BAZ2B: variants seen among roughly 807,000 people sequenced by gnomAD.
BAZ2B encodes bromodomain adjacent to zinc finger domain protein 2B.
In BAZ2B, 91 loss-of-function variants were observed where a neutral mutation model predicts 246.0. The observed-to-expected ratio is 0.37, with a 90% CI of 0.31 to 0.44. The LOEUF (loss-of-function observed/expected upper bound fraction) is 0.44, where lower values mean the gene tolerates loss of function less well. BAZ2B is among the 20% of genes least tolerant of loss of function. BAZ2B has a pLI of 1.00. For synonymous variants in BAZ2B, 855 were observed against 860.0 expected (o/e 0.99, Z 0.10); for missense variants, 2,332 against 2,533.7 (o/e 0.92, Z 1.71).
intron 23 of BAZ2B, among the ~76,000 whole-genome samples, chr2:159,384,327 C>T (rs796606911): frequency 4.8e-4 from 73 of 151,974 alleles, no homozygotes; most frequent in African/African-American, 1.7e-3. Flanking sequence ...AATTGTAAGA[C>T]GTGAATATTA....
At chr2:159,583,298 A>G (rs1341998375) in intron 1 of BAZ2B, among the ~76,000 whole-genome samples, 1 of 151,998 alleles carries the variant, frequency 6.6e-6, no homozygotes, top group Admixed American at 6.6e-5. Flanking sequence ...TATTTTTAGT[A>G]GAGACAGGGT....
Position 159,430,911 on chromosome 2 carries a change from C to A in BAZ2B, c.2146G>T (p.Ala716Ser). Residue 716 changes from alanine (A) to serine (S), a missense_variant, in exon 10 of 37, where the codon GCT becomes TCT. Ala to Ser is a moderately conservative substitution (Grantham distance 99). Transcript: ENST00000392783. ...AALCSESQSP[A>S]FLGTSSSTLT... ...GTGGAAGAAGATGTACCAAGAAAAG[C>A]AGGTGACTGGGATTCAGAACATAAG... 2.5e-6 allele frequency: 4 copies of A among 1,613,892 alleles called. No homozygotes were observed. Among genetic ancestry groups the A allele is most frequent in the Non-Finnish European group, 3.4e-6 (4 of 1,179,850 alleles).
intron 23 of BAZ2B, 23 bp downstream of exon 23, chr2:159,385,122 AAAAATCACGG>A (rs752664626): frequency 6.4e-7 from 1 of 1,563,844 alleles, no homozygotes; most frequent in East Asian, 2.3e-5. Flanking sequence ...TTCAAAATGG[AAAAATCACGG>A]AAAAGCCTGG....
At chr2:159,389,845 T>C (rs2063114863) in intron 20 of BAZ2B, among the ~76,000 whole-genome samples, 1 of 152,146 alleles carries the variant, frequency 6.6e-6, no homozygotes, top group Admixed American at 6.6e-5. Context: ...AAGTAACATG[T>C]TTGAATTTGC....
chr2:159,422,891 G>A (rs59345076), intron 13 of BAZ2B, among the ~76,000 whole-genome samples: 8,399 of 152,102 alleles, frequency 0.055, 433 homozygotes, highest in African/African-American at 0.12. Flanking sequence ...AAATGGACAT[G>A]AACAAACACT....
chr2:159,320,529 C>T (rs200199378), intron 36 of BAZ2B, 111 bp from the exon 37 acceptor site: 17 of 853,440 alleles, frequency 2.0e-5, no homozygotes, highest in Admixed American at 3.8e-5. Context: ...AGGATAACTG[C>T]ATTTAAATTG....
the BAZ2B span, among the ~76,000 whole-genome samples, chr2:159,686,935 G>A: frequency 1.2e-4 from 18 of 151,206 alleles, no homozygotes; most frequent in Non-Finnish European, 2.2e-4. Context: ...CCAGCTCCTC[G>A]GGAGGCTGAG....
the BAZ2B span, among the ~76,000 whole-genome samples, chr2:159,688,125 G>A: frequency 6.6e-6 from 1 of 152,068 alleles, no homozygotes; most frequent in Non-Finnish European, 1.5e-5. Context: ...TTGCCACCTT[G>A]ATCTCCCTGA....
chr2:159,570,625 T>C (rs183023254), intron 1 of BAZ2B, among the ~76,000 whole-genome samples: 88 of 148,288 alleles, frequency 5.9e-4, no homozygotes, highest in African/African-American at 2.1e-3. Context: ...TCCTGTCATT[T>C]ATATCCCAGC....
chr2:159,630,186 A>G, the BAZ2B span, among the ~76,000 whole-genome samples: 11 of 152,184 alleles, frequency 7.2e-5, no homozygotes, highest in Non-Finnish European at 1.5e-4. Context: ...GGCCAGTTGC[A>G]CTGGCTTGCA....
chr2:159,459,000 T>C (rs2076112064), intron 3 of BAZ2B: 1 of 152,222 alleles, frequency 6.6e-6, no homozygotes. Flanking sequence ...GGTCACATTA[T>C]TTCTTCCACT....
At chr2:159,471,883 T>G (rs984762407) in intron 3 of BAZ2B, among the ~76,000 whole-genome samples, 4 of 152,162 alleles carry the variant, frequency 2.6e-5, no homozygotes, top group African/African-American at 9.7e-5. Context: ...AGATTTGTAA[T>G]AAATATACAT....
chr2:159,578,838 G>T (rs1010383269), intron 1 of BAZ2B, among the ~76,000 whole-genome samples: 1 of 152,114 alleles, frequency 6.6e-6, no homozygotes, highest in African/African-American at 2.4e-5. Context: ...GGTACATAAC[G>T]AGATGAAGGC....
chr2:159,588,519 A>C (rs1187952594), intron 1 of BAZ2B, among the ~76,000 whole-genome samples: 1 of 151,870 alleles, frequency 6.6e-6, no homozygotes. Flanking sequence ...TAAGATCTAC[A>C]CACACACACA....
At chr2:159,646,693 GGGGTCCCT>G in the BAZ2B span, among the ~76,000 whole-genome samples, 3 of 152,030 alleles carry the variant, frequency 2.0e-5, no homozygotes, top group African/African-American at 4.8e-5. Flanking sequence ...TCCTCTGTTT[GGGGTCCCT>G]GACTTCCTGC....
intron 2 of BAZ2B, among the ~76,000 whole-genome samples, chr2:159,527,859 G>A (rs1578109416): frequency 3.9e-5 from 6 of 152,184 alleles, no homozygotes; most frequent in Admixed American, 3.9e-4. Context: ...TACCCAGGAA[G>A]AGCTTGAGAG....
chr2:159,464,003 CTATTTT>C (rs1217382367), intron 3 of BAZ2B: 1 of 152,060 alleles, frequency 6.6e-6, no homozygotes, highest in Non-Finnish European at 1.5e-5. Flanking sequence ...TGCGCCCAGC[CTATTTT>C]TATTTTTAAG....
intron 1 of BAZ2B, among the ~76,000 whole-genome samples, chr2:159,583,337 G>T (rs1447431484): frequency 6.6e-6 from 1 of 151,928 alleles, no homozygotes; most frequent in African/African-American, 2.4e-5. Flanking sequence ...CTGATCTAGA[G>T]CTCCTGAGCT....
chr2:159,495,284 G>A (rs2151052933), intron 2 of BAZ2B, among the ~76,000 whole-genome samples: 1 of 151,208 alleles, frequency 6.6e-6, no homozygotes, highest in Non-Finnish European at 1.5e-5. Context: ...AGGAGATCGA[G>A]ACCATCCCGG....
Sources: gnomAD v4.1 joint callset for allele counts (sites outside exome capture counted in the v4.1 genomes callset) on GRCh38, gnomAD v4.1.1 for gene constraint, MANE v1.5 for transcripts, NCBI Gene and HGNC (gene_info 2026-07-23, HGNC 2026-07-21) for gene names.